MBD6: variants seen among roughly 807,000 people sequenced by gnomAD.
The protein encoded by MBD6 is methyl-CpG-binding domain protein 6.
Under a neutral mutation model 66.8 loss-of-function variants are expected in MBD6, and 22 were observed. That is an observed-to-expected ratio of 0.33 (90% CI 0.24 to 0.47). The LOEUF is 0.47. Among genes scored for constraint, MBD6 ranks in the 20% least tolerant of loss-of-function variants. The pLI is 1.00. For missense variants in MBD6, 1,322 were observed against 1,286.9 expected, an observed-to-expected ratio of 1.03 and a Z score of -0.42; for synonymous variants, 540 against 534.6, an observed-to-expected ratio of 1.01 and a Z score of -0.14.
chr12:57,526,414 C>T, intron 6 of MBD6, 26 bp downstream of exon 6: 1 of 1,540,630 alleles, frequency 6.5e-7, no homozygotes, highest in South Asian at 1.3e-5. Flanking sequence ...GGAGCCCTTC[C>T]TCATCCTGGC....
chr12:57,527,580 C>A lies in MBD6; in HGVS notation c.2156C>A (p.Ala719Asp), dbSNP rs1286060597. Residue 719 changes from alanine to aspartate, a missense_variant, in exon 8 of 13, where the codon GCC (alanine) becomes GAC (aspartate). Ala to Asp is a moderately radical substitution (Grantham distance 126). Transcript: ENST00000355673. ...SVTTATTDPG[A>D]SSLGKAPSNS... ...ACCACGGCAACTACTGACCCGGGGG[C>A]CTCCTCTCTGGGCAAGGCCCCCTCC... 1.2e-6 allele frequency: 2 copies of A among 1,613,938 alleles called. No individual in the cohort carries two copies. Among genetic ancestry groups the A allele is most frequent in the African/African-American group, 2.7e-5 (2 of 74,934 alleles).
In MBD6 at chr12:57,529,014, G is replaced by GT; in HGVS notation, c.2937+6dup. The GT allele has an allele frequency of 6.2e-7, 1 of 1,614,090 alleles. No individual in the cohort carries two copies. The highest frequency in any genetic ancestry group is 8.5e-7 in the Non-Finnish European group (1 of 1,179,990). The stretch of plus-strand genomic sequence containing the variant: ...GAACCCAGCCCTACAGCCCGAGTAA[G>GT]TGTGTGTTTGGGTGGATGGGTGGAT... On this transcript the variant is annotated splice_donor_region_variant and intron_variant, in intron 12 of 12. Transcript: ENST00000355673.
rs1398511986 is a variant in MBD6 at position 57,525,990 on chromosome 12, T to C, written c.1022T>C (p.Leu341Ser). Reference sequence around the variant, plus strand: ...CCCCCACTACCCCCTCCCAGCACTTTACAGGGCCGAAGGCCCCGTGCCCAG... The same window carrying C: ...CCCCCACTACCCCCTCCCAGCACTTCACAGGGCCGAAGGCCCCGTGCCCAG... Reference protein sequence around the residue: ...QHPPLPPPSTLQGRRPRAQAP... With the variant: ...QHPPLPPPSTSQGRRPRAQAP... The change falls in exon 6 of 13, where the codon TTA (leucine) becomes TCA (serine). Residue 341 changes from leucine (L) to serine (S), a missense_variant. Coordinates refer to ENST00000355673, the MANE Select transcript of MBD6 (RefSeq NM_052897.4). 6.2e-7 allele frequency: 1 copy of C among 1,613,418 alleles called. No individual in the cohort carries two copies. The highest frequency in any genetic ancestry group is 8.5e-7 in the Non-Finnish European group (1 of 1,179,906).
upstream of MBD6, among the ~76,000 whole-genome samples, chr12:57,522,442 C>G (rs539108245): frequency 3.2e-4 from 49 of 152,290 alleles, no homozygotes; most frequent in African/African-American, 1.2e-3. Context: ...TGGCCCCTCC[C>G]GGACCTGGCA....
rs199948261 is a variant in MBD6 at position 57,526,555 on chromosome 12, C to T, written c.1421-11C>T. The T allele has an allele frequency of 4.0e-6, 6 of 1,511,832 alleles. No individual in the cohort carries two copies. The Admixed American group carries it at 9.2e-5, about 23-fold the overall frequency. 93.7% of individuals were successfully genotyped at this position (1,511,832 alleles called of 1,614,324 possible). On this transcript the variant is annotated splice_polypyrimidine_tract_variant and intron_variant, in intron 6 of 12. Coordinates refer to ENST00000355673, the MANE Select transcript of MBD6 (RefSeq NM_052897.4). ...GCCTCCCTTGAGCTGAATTTCTCTC[C>T]TCTTTTACAGGTGCCCCTGCCCCAC...
rs776529746 is a variant in MBD6, at chr12:57,528,153, C to T, written c.2413C>T (p.Pro805Ser). Residue 805 changes from proline to serine, a missense_variant, in exon 10 of 13, where the codon CCA (proline) becomes TCA (serine). Pro to Ser is a moderately conservative substitution (Grantham distance 74). Coordinates refer to ENST00000355673, the MANE Select transcript of MBD6 (RefSeq NM_052897.4). Reference protein sequence around the residue: ...ACLLQSLQIPPEQPEAPCLPP... With the variant: ...ACLLQSLQIPSEQPEAPCLPP... ...CTTATTTTTTTGCCAGCAGATCCCT[C>T]CAGAGCAGCCAGAAGCCCCCTGTCT... 5 of 1,602,800 alleles carry T rather than the reference C, an allele frequency of 3.1e-6. No individual in the cohort carries two copies. The highest frequency in any genetic ancestry group is 1.8e-5 in the Admixed American group (1 of 56,472).
In MBD6 at chr12:57,525,724, C is replaced by A. The variant is rs937344025; in HGVS notation, c.756C>A (p.Ser252=). Residue 252 remains serine, a synonymous_variant, in exon 6 of 13, where the codon TCC becomes TCA. Transcript: ENST00000355673. ...LGSPPAPHAS[S]SPPSDPPLFH... ...CTCCTCCGGCCCCTCATGCCTCCTCCTCACCACCTTCAGACCCTCCTCTCT... is the reference window on the plus strand; with the variant it reads ...CTCCTCCGGCCCCTCATGCCTCCTCATCACCACCTTCAGACCCTCCTCTCT... 1.9e-6 allele frequency: 3 copies of A among 1,613,938 alleles called. No homozygotes were observed. The highest frequency in any genetic ancestry group is 3.3e-5 in the Admixed American group (2 of 59,992).
intron 11 of MBD6, 64 bp from the exon 12 acceptor site, chr12:57,528,882 C>T: frequency 1.2e-6 from 2 of 1,612,412 alleles, no homozygotes; most frequent in Non-Finnish European, 1.7e-6. Context: ...GTTTCCCACC[C>T]AAACTTCTGA....
chr12:57,528,782 A>G (rs962139750), intron 11 of MBD6, 64 bp downstream of exon 11: 7 of 1,608,190 alleles, frequency 4.4e-6, no homozygotes, highest in Non-Finnish European at 5.1e-6. Flanking sequence ...GACAGTTCTA[A>G]TGTCCAAATA....
In MBD6 at chr12:57,525,508, C is replaced by A; in HGVS notation, c.540C>A (p.Gly180=). The A allele has an allele frequency of 6.4e-7, 1 of 1,565,522 alleles. No individual in the cohort carries two copies. Among genetic ancestry groups the A allele is most frequent in the South Asian group, 1.2e-5 (1 of 82,304 alleles). The change falls in exon 6 of 13, where the codon GGC becomes GGA. Residue 180 remains glycine (G), a synonymous_variant. Transcript: ENST00000355673. The part of the protein sequence containing the change: ...SVSQAFPTLA[G]PGGLFPPRLA... ...CCCAGGCCTTTCCCACTCTAGCAGG[C>A]CCTGGGGGGCTTTTCCCCCCAAGGC...
intron 5 of MBD6, 29 bp downstream of exon 5, chr12:57,525,144 C>T (rs374764029): frequency 8.2e-5 from 130 of 1,592,386 alleles, no homozygotes; most frequent in Non-Finnish European, 1.0e-4. Flanking sequence ...TACAGAAGAC[C>T]GAGGAAAACC....
chr12:57,529,148 CTCT>C lies in MBD6; in HGVS notation c.2938-11_2938-9del. 1 of 1,614,082 alleles carries C rather than the reference CTCT, an allele frequency of 6.2e-7. No homozygotes were observed. Among genetic ancestry groups the C allele is most frequent in the Non-Finnish European group, 8.5e-7 (1 of 1,179,990 alleles). On this transcript the variant is annotated splice_polypyrimidine_tract_variant and intron_variant, in intron 12 of 12. Coordinates refer to ENST00000355673, the MANE Select transcript of MBD6 (RefSeq NM_052897.4). ...AATTGACCACTTCTATCAACTTCCCCTCTGATATTAGGCAGCTGTCCCTCTGCC... is the reference window on the plus strand; with the variant it reads ...AATTGACCACTTCTATCAACTTCCCCGATATTAGGCAGCTGTCCCTCTGCC...
chr12:57,524,225 G>A, intron 2 of MBD6, 55 bp from the exon 3 acceptor site: 1 of 1,135,034 alleles, frequency 8.8e-7, no homozygotes, highest in East Asian at 2.5e-5. Context: ...TCCTCTCTCA[G>A]GTACTTCGCT....
Position 57,524,421 on chromosome 12 carries a change from G to T in MBD6, c.113+5G>T, listed in dbSNP as rs371073408. 20 of 1,569,078 alleles carry T rather than the reference G, an allele frequency of 1.3e-5. No homozygotes were observed. Among genetic ancestry groups the T allele is most frequent in the Non-Finnish European group, 1.7e-5 (20 of 1,159,554 alleles). Reference sequence around the variant, plus strand: ...GGGTGCTGTGCTCTACATCAGGTACGGATCTTCACAGGTCCCCAAGCTCTG... The same window carrying T: ...GGGTGCTGTGCTCTACATCAGGTACTGATCTTCACAGGTCCCCAAGCTCTG... On this transcript the variant is annotated splice_donor_5th_base_variant and intron_variant, in intron 3 of 12. Transcript: ENST00000355673.
chr12:57,521,754 G>A (rs999540936), upstream of MBD6: 3 of 152,308 alleles, frequency 2.0e-5, no homozygotes, highest in African/African-American at 4.8e-5. Flanking sequence ...CAAGTCCTGT[G>A]ACTCCCTGTG....
In MBD6 at chr12:57,525,745, T is replaced by A; in HGVS notation, c.777T>A (p.Pro259=). 6.2e-7 allele frequency: 1 copy of A among 1,613,540 alleles called. No individual in the cohort carries two copies. The highest frequency in any genetic ancestry group is 1.1e-5 in the South Asian group (1 of 91,068). Residue 259 remains proline, a synonymous_variant, in exon 6 of 13, where the codon CCT becomes CCA. Transcript: ENST00000355673. ...HASSSPPSDP[P]LFHCSDALTP... ...CCTCCTCACCACCTTCAGACCCTCC[T>A]CTCTTCCACTGTAGTGATGCCTTAA...
intron 2 of MBD6, 41 bp downstream of exon 2, chr12:57,524,133 C>T (rs1878658894): frequency 2.2e-6 from 1 of 464,212 alleles, no homozygotes; most frequent in Non-Finnish European, 3.8e-6. Context: ...CAGTCTCCCT[C>T]CCAGCTGAGG....
At position 57,529,303 on chromosome 12, in the gene MBD6, C is replaced by A; in HGVS notation, c.*69C>A. Reference sequence around the variant, plus strand: ...GAGTGCTGAGCCTTGGGAGCCCCTGCCAGCCACCTGCACCTGTGGACAGTG... The same window carrying A: ...GAGTGCTGAGCCTTGGGAGCCCCTGACAGCCACCTGCACCTGTGGACAGTG... On this transcript the variant is annotated 3_prime_UTR_variant, in exon 13 of 13. Coordinates refer to ENST00000355673, the MANE Select transcript of MBD6 (RefSeq NM_052897.4). The A allele has an allele frequency of 6.5e-7, 1 of 1,527,828 alleles. No homozygotes were observed. Among genetic ancestry groups the A allele is most frequent in the Non-Finnish European group, 9.0e-7 (1 of 1,106,234 alleles). 94.6% of individuals were successfully genotyped at this position (1,527,828 alleles called of 1,614,324 possible).
chr12:57,521,911 C>T (rs1476634027), upstream of MBD6: 1 of 152,320 alleles, frequency 6.6e-6, no homozygotes, highest in South Asian at 2.1e-4. Flanking sequence ...AACTCCCCAT[C>T]ACTTGCCAAG....
Sources: allele counts gnomAD v4.1 joint callset (sites outside exome capture counted in the v4.1 genomes callset), GRCh38; gene constraint gnomAD v4.1.1; transcripts MANE v1.5; gene names NCBI Gene and HGNC (gene_info 2026-07-23, HGNC 2026-07-21).